ACYP2: variants seen among roughly 807,000 people sequenced by gnomAD.
The protein encoded by ACYP2 is acylphosphatase-2.
ACYP2 carries 12 observed loss-of-function variants against 11.2 expected under a neutral mutation model. The ratio of observed to expected loss-of-function variants is 1.08; its 90% confidence interval spans 0.69 to 1.74. ACYP2 has a LOEUF of 1.74. Among genes scored for constraint, ACYP2 ranks in the 40% most tolerant of loss-of-function variants. The probability of loss-of-function intolerance (pLI) is 0.00; values close to 1 mark genes in which losing one functional copy is unlikely to be tolerated. For synonymous variants in ACYP2, 43 were observed against 32.2 expected (o/e 1.33, Z -1.13); for missense variants, 134 against 101.9 (o/e 1.31, Z -1.35).
At chr2:53,991,827 G>A (rs2104519143) in intron 2 of ACYP2, among the ~76,000 whole-genome samples, 1 of 152,114 alleles carries the variant, frequency 6.6e-6, no homozygotes, top group African/African-American at 2.4e-5. Flanking sequence ...GGCTAAGTAT[G>A]TTGTACAAGA....
rs958840187 is a variant in ACYP2, at chr2:54,021,875, A to G, written c.63-29083A>G. 4.6e-5 allele frequency among the ~76,000 whole-genome samples: 7 copies of G among 152,212 alleles called. No homozygotes were observed. The East Asian group carries it at 9.6e-4, about 21-fold the overall frequency. On this transcript the variant is annotated intron_variant, in intron 2 of 6. Coordinates refer to ENST00000607452, the MANE Select transcript of ACYP2 (RefSeq NM_001320586.2). ...AGTTGAACCATCTGGGCAACTCTTA[A>G]TAAATAGTGAGAACAGACTGTTCTG...
At position 54,072,703 on chromosome 2, in the gene ACYP2, C is replaced by T. The variant is rs183553909; in HGVS notation, c.277+15343C>T. ...TCAGGCTCCTGAGTAGCTGGGACTACAGGCACGTGCCACTGTGCCAGGCTA... is the reference window on the plus strand; with the variant it reads ...TCAGGCTCCTGAGTAGCTGGGACTATAGGCACGTGCCACTGTGCCAGGCTA... On this transcript the variant is annotated intron_variant, in intron 4 of 6. Coordinates refer to ENST00000607452, the MANE Select transcript of ACYP2 (RefSeq NM_001320586.2). Among the ~76,000 whole-genome samples the T allele has an allele frequency of 2.6e-5, 4 of 152,012 alleles. No homozygotes were observed. The East Asian group carries it at 5.8e-4, about 22-fold the overall frequency.
chr2:54,059,071 G>GT (rs1334815480), intron 4 of ACYP2, among the ~76,000 whole-genome samples: 1 of 152,198 alleles, frequency 6.6e-6, no homozygotes, highest in African/African-American at 2.4e-5. Flanking sequence ...GATTTAGGCA[G>GT]TTTTTTATTA....
rs574959630 is a variant in ACYP2, at chr2:54,149,560, T to G, written c.404+10812T>G. The stretch of plus-strand genomic sequence containing the variant: ...TCTGTTTCTTAGTAATCATGTTAAA[T>G]TAATGTACAGTGTTATGACACTGAG... On this transcript the variant is annotated intron_variant, in intron 6 of 6. Coordinates refer to ENST00000607452, the MANE Select transcript of ACYP2 (RefSeq NM_001320586.2). 7.2e-5 allele frequency among the ~76,000 whole-genome samples: 11 copies of G among 152,314 alleles called. No homozygotes were observed. The South Asian group carries it at 2.3e-3, about 32-fold the overall frequency.
At chr2:54,102,099 A>G (rs1011976791) in intron 4 of ACYP2, among the ~76,000 whole-genome samples, 12 of 152,198 alleles carry the variant, frequency 7.9e-5, no homozygotes, top group African/African-American at 2.2e-4. Flanking sequence ...CCTCAAATGT[A>G]TATAATTTTT....
At chr2:54,063,141 TTTTA>T (rs1290140155) in intron 4 of ACYP2, among the ~76,000 whole-genome samples, 3 of 151,984 alleles carry the variant, frequency 2.0e-5, no homozygotes, top group Non-Finnish European at 2.9e-5. Flanking sequence ...TAATAATTTA[TTTTA>T]TTTATTTATT....
At chr2:54,096,132 C>G (rs1235295051) in intron 4 of ACYP2, among the ~76,000 whole-genome samples, 1 of 139,868 alleles carries the variant, frequency 7.1e-6, no homozygotes, top group East Asian at 2.2e-4. Flanking sequence ...GGCTGCTGGG[C>G]GGAGGGGCTC....
intron 6 of ACYP2, among the ~76,000 whole-genome samples, chr2:54,235,987 C>G (rs1431277025): frequency 1.3e-5 from 2 of 152,114 alleles, no homozygotes; most frequent in Admixed American, 6.6e-5. Context: ...TTTGAAAGAA[C>G]CAACTTTTAC....
rs1677004404 is a variant in ACYP2, at chr2:54,070,881, T to A, written c.277+13521T>A. 2.0e-5 allele frequency among the ~76,000 whole-genome samples: 3 copies of A among 151,664 alleles called. No individual in the cohort carries two copies. In the Admixed American group the frequency reaches 2.0e-4, roughly 10 times the overall value. On this transcript the variant is annotated intron_variant, in intron 4 of 6. Transcript: ENST00000607452. The stretch of plus-strand genomic sequence containing the variant: ...CCTGCCTGGTAGCTCTATAGGTATG[T>A]GCCACCACACCCAGCTATTTGTTTG...
At chr2:54,005,884 G>A (rs150242649) in intron 2 of ACYP2, among the ~76,000 whole-genome samples, 250 of 152,250 alleles carry the variant, frequency 1.6e-3, no homozygotes, top group African/African-American at 5.8e-3. Context: ...AATTTTGATT[G>A]GAATTGCATT....
chr2:54,119,800 A>T (rs546920144), intron 4 of ACYP2, among the ~76,000 whole-genome samples: 1 of 152,248 alleles, frequency 6.6e-6, no homozygotes, highest in African/African-American at 2.4e-5. Context: ...GTTTTTACCT[A>T]ATGTCTTTTT....
intron 6 of ACYP2, among the ~76,000 whole-genome samples, chr2:54,245,710 A>AC: frequency 7.0e-6 from 1 of 142,924 alleles, no homozygotes; most frequent in African/African-American, 2.6e-5. Context: ...TTTTAATCAG[A>AC]TTTTTTTTTT....
At chr2:54,233,135 T>C (rs944664483) in intron 6 of ACYP2, among the ~76,000 whole-genome samples, 1 of 152,116 alleles carries the variant, frequency 6.6e-6, no homozygotes, top group Non-Finnish European at 1.5e-5. Flanking sequence ...TTCTTTATTC[T>C]ATTAATGTGA....
chr2:54,151,311 A>T (rs1375304920), intron 6 of ACYP2, among the ~76,000 whole-genome samples: 2 of 152,234 alleles, frequency 1.3e-5, no homozygotes, highest in Non-Finnish European at 2.9e-5. Flanking sequence ...TGTCAGATTC[A>T]AAGTTATTTA....
At chr2:54,259,497 G>A (rs1289084478) in intron 6 of ACYP2, among the ~76,000 whole-genome samples, 5 of 152,210 alleles carry the variant, frequency 3.3e-5, no homozygotes, top group Non-Finnish European at 5.9e-5. Context: ...AGGAAACCAA[G>A]AGAGTGCAAT....
At chr2:54,210,970 T>C (rs1246627243) in intron 6 of ACYP2, among the ~76,000 whole-genome samples, 2 of 152,220 alleles carry the variant, frequency 1.3e-5, no homozygotes, top group Non-Finnish European at 2.9e-5. Flanking sequence ...TAAGCAAAGA[T>C]GGCACTGGTC....
chr2:53,987,919 A>G (rs903004235), intron 2 of ACYP2, among the ~76,000 whole-genome samples: 1 of 152,000 alleles, frequency 6.6e-6, no homozygotes. Flanking sequence ...TAGTCCAGAT[A>G]CTACTCTTTT....
At chr2:54,284,895 T>C (rs1218373851) in intron 6 of ACYP2, among the ~76,000 whole-genome samples, 6 of 152,350 alleles carry the variant, frequency 3.9e-5, no homozygotes, top group East Asian at 1.9e-4. Context: ...CATGAGACTG[T>C]TGAGACCCCC....
intron 6 of ACYP2, among the ~76,000 whole-genome samples, chr2:54,239,434 C>T (rs1359789538): frequency 1.3e-5 from 2 of 152,158 alleles, no homozygotes; most frequent in African/African-American, 4.8e-5. Context: ...TAGAGCCTCC[C>T]GCTACTGCCC....
Sources: allele counts gnomAD v4.1 joint callset (sites outside exome capture counted in the v4.1 genomes callset), GRCh38; gene constraint gnomAD v4.1.1; transcripts MANE v1.5; gene names NCBI Gene and HGNC (gene_info 2026-07-23, HGNC 2026-07-21).